Variants in DOCK4 observed in about 807,000 individuals in gnomAD.
The protein encoded by DOCK4 is dedicator of cytokinesis 4.
In DOCK4, 97 loss-of-function variants were observed where a neutral mutation model predicts 268.1. The observed-to-expected ratio is 0.36, with a 90% CI of 0.31 to 0.43. DOCK4 has a LOEUF of 0.43. Ranked by LOEUF, DOCK4 falls within the 20% of genes least tolerant of loss-of-function variation. The pLI is 1.00. For synonymous variants in DOCK4, 954 were observed against 887.2 expected, an observed-to-expected ratio of 1.08 and a Z score of -1.34; for missense variants, 2,145 against 2,455.7, an observed-to-expected ratio of 0.87 and a Z score of 2.67.
At chr7:111,984,479 A>G (rs1296241183) in intron 6 of DOCK4, 89 bp from the exon 7 acceptor site, 6 of 1,074,600 alleles carry the variant, frequency 5.6e-6, no homozygotes, top group Non-Finnish European at 8.2e-6. Context: ...TCACTTGGAA[A>G]TTAGGTATAT....
At chr7:111,834,127 A>G (rs529780321) in intron 26 of DOCK4, among the ~76,000 whole-genome samples, 6 of 152,334 alleles carry the variant, frequency 3.9e-5, no homozygotes, top group Admixed American at 3.3e-4. Context: ...TATTGATTAG[A>G]CTATAGCTGA....
At chr7:111,860,555 G>A (rs1805421432) in intron 23 of DOCK4, among the ~76,000 whole-genome samples, 1 of 152,198 alleles carries the variant, frequency 6.6e-6, no homozygotes, top group South Asian at 2.1e-4. Flanking sequence ...CATTCTCCAT[G>A]TGTGGGACCT....
intron 27 of DOCK4, chr7:111,819,457 G>C (rs1362871995): frequency 6.6e-6 from 1 of 152,166 alleles, no homozygotes; most frequent in East Asian, 1.9e-4. Context: ...AAACAAGAAA[G>C]AGAAGAAATG....
intron 43 of DOCK4, among the ~76,000 whole-genome samples, chr7:111,746,776 G>T (rs1316143396): frequency 2.7e-5 from 4 of 148,492 alleles, no homozygotes; most frequent in Admixed American, 6.7e-5. Context: ...CAGATGAAAG[G>T]TCCACTTAAA....
chr7:112,194,533 G>GTACT (rs778249811), intron 1 of DOCK4, among the ~76,000 whole-genome samples: 26 of 152,206 alleles, frequency 1.7e-4, no homozygotes, highest in Non-Finnish European at 3.1e-4. Context: ...TTGAAACACA[G>GTACT]TACTTTCTGC....
rs575527708 is a variant in DOCK4 at position 111,778,327 on chromosome 7, G to A, written c.3628C>T (p.Arg1210Cys). Residue 1210 changes from arginine (R) to cysteine (C), a missense_variant, in exon 36 of 53, where the codon CGC becomes TGC. Arg to Cys is a radical substitution (Grantham distance 180). Transcript: ENST00000428084. ...TELNKEEMYI[R>C]YIHKLYDLHL... ...AGATCATAGAGTTTGTGAATGTAGC[G>A]TATATACATCTCCTCCTTGTTCAGT... is the stretch of plus-strand genomic sequence containing the variant. The A allele has an allele frequency of 1.2e-5, 20 of 1,612,634 alleles. No homozygotes were observed. Among genetic ancestry groups the A allele is most frequent in the African/African-American group, 5.3e-5 (4 of 74,864 alleles).
At chr7:111,729,652 CA>C (rs1207597130) in intron 52 of DOCK4, among the ~76,000 whole-genome samples, 8 of 152,152 alleles carry the variant, frequency 5.3e-5, no homozygotes, top group Admixed American at 4.6e-4. Flanking sequence ...CTAAAAACGC[CA>C]TAAAACCTTT....
intron 30 of DOCK4, among the ~76,000 whole-genome samples, chr7:111,802,430 A>G (rs776939909): frequency 3.9e-5 from 6 of 152,188 alleles, no homozygotes; most frequent in African/African-American, 7.2e-5. Flanking sequence ...CTGCCTTGAC[A>G]CTGTGTAAGA....
rs1798272764 is a variant in DOCK4, at chr7:111,977,212, C to T, written c.621G>A (p.Lys207=). 1 of 1,612,040 alleles carries T rather than the reference C, an allele frequency of 6.2e-7. No homozygotes were observed. ...CTCCCAGGTTGGAACACATGAGGCT[C>T]TTCATCTGGACAAAGAGGTGGTGAC... The part of the protein sequence containing the change: ...ASSHHLFVQM[K]SLMCSNLGEE... Residue 207 remains lysine (K), a synonymous_variant, in exon 8 of 53, where the codon AAG becomes AAA. Transcript: ENST00000428084.
intron 1 of DOCK4, among the ~76,000 whole-genome samples, chr7:112,135,336 A>G (rs1814222616): frequency 6.6e-6 from 1 of 152,118 alleles, no homozygotes; most frequent in South Asian, 2.1e-4. Flanking sequence ...TGTTTTTGTC[A>G]AAACTAAGCA....
intron 23 of DOCK4, among the ~76,000 whole-genome samples, chr7:111,862,562 C>T (rs1805634140): frequency 7.2e-6 from 1 of 138,908 alleles, no homozygotes; most frequent in Non-Finnish European, 1.5e-5. Flanking sequence ...GCCATCTCAG[C>T]TCACTGCAAC....
chr7:112,144,491 A>G (rs956910360), intron 1 of DOCK4, among the ~76,000 whole-genome samples: 1 of 152,222 alleles, frequency 6.6e-6, no homozygotes, highest in Non-Finnish European at 1.5e-5. Context: ...AAAAATTGCC[A>G]GCCCACTTGG....
intron 1 of DOCK4, among the ~76,000 whole-genome samples, chr7:112,181,735 T>C (rs1287597721): frequency 6.7e-6 from 1 of 149,578 alleles, no homozygotes; most frequent in Non-Finnish European, 1.5e-5. Context: ...AGTATGCAAC[T>C]CTTAACAAGA....
intron 1 of DOCK4, among the ~76,000 whole-genome samples, chr7:112,026,481 T>C (rs1450669692): frequency 6.6e-6 from 1 of 152,166 alleles, no homozygotes; most frequent in African/African-American, 2.4e-5. Flanking sequence ...ACCGCTGCCC[T>C]AAAAGAGGGC....
At position 112,090,782 on chromosome 7, in the gene DOCK4, T is replaced by C. The variant is rs145386904; in HGVS notation, c.38-86651A>G. ...ATGCACTGAATGGATGGGCAAACTG[T>C]GACCATTGAGACAGAATTTCAGAAC... On this transcript the variant is annotated intron_variant, in intron 1 of 52. Transcript: ENST00000428084. Among the ~76,000 whole-genome samples the C allele has an allele frequency of 2.3e-3, 348 of 152,286 alleles. 2 individuals are homozygous for C. The highest frequency in any genetic ancestry group is 7.9e-3 in the African/African-American group (328 of 41,560).
chr7:112,059,579 A>G (rs1806196668), intron 1 of DOCK4, among the ~76,000 whole-genome samples: 1 of 152,242 alleles, frequency 6.6e-6, no homozygotes, highest in African/African-American at 2.4e-5. Flanking sequence ...AGTAAAAGTG[A>G]TATTTCACCA....
intron 12 of DOCK4, among the ~76,000 whole-genome samples, chr7:111,918,979 G>C (rs752025337): frequency 1.3e-5 from 2 of 152,056 alleles, no homozygotes; most frequent in African/African-American, 2.4e-5. Flanking sequence ...GAAGAGAAAA[G>C]GACTCAAGAG....
intron 30 of DOCK4, chr7:111,801,857 T>C (rs1228131441): frequency 2.1e-5 from 2 of 96,040 alleles, no homozygotes; most frequent in East Asian, 4.7e-4. Context: ...GCTGGGCTAA[T>C]TTTTTTTTTT....
chr7:111,753,180 A>C (rs66549098), intron 42 of DOCK4, among the ~76,000 whole-genome samples: 44,582 of 151,970 alleles, frequency 0.29, 6,981 homozygotes, highest in South Asian at 0.49. Flanking sequence ...AATCAAATGC[A>C]TTACATTAAT....
Sources: gnomAD v4.1 joint callset for allele counts (sites outside exome capture counted in the v4.1 genomes callset) on GRCh38, gnomAD v4.1.1 for gene constraint, MANE v1.5 for transcripts, NCBI Gene and HGNC (gene_info 2026-07-23, HGNC 2026-07-21) for gene names.